Variants in THOP1 observed in about 807,000 individuals in gnomAD.
THOP1 encodes thimet oligopeptidase 1.
In THOP1, 49 loss-of-function variants were observed where a neutral mutation model predicts 71.8. The observed-to-expected ratio is 0.68, with a 90% CI of 0.54 to 0.87. The LOEUF is 0.87. THOP1 is among the 40% of genes least tolerant of loss of function. The probability of loss-of-function intolerance (pLI) is 0.00; values close to 1 mark genes in which losing one functional copy is unlikely to be tolerated. For synonymous variants in THOP1, 426 were observed against 421.5 expected (o/e 1.01, Z -0.13); for missense variants, 843 against 975.6 (o/e 0.86, Z 1.81).
chr19:2,788,579 A>T (rs982017625), intron 1 of THOP1, among the ~76,000 whole-genome samples: 1 of 152,114 alleles, frequency 6.6e-6, no homozygotes, highest in Non-Finnish European at 1.5e-5. Context: ...CCCAGGTCCA[A>T]GCGGTTCTCC....
At chr19:2,799,834 G>A in intron 5 of THOP1, 43 bp downstream of exon 5, 2 of 1,559,312 alleles carry the variant, frequency 1.3e-6, no homozygotes, top group Non-Finnish European at 1.8e-6. Context: ...TCGGTCCTGG[G>A]ACTCAGTGCA....
At chr19:2,788,116 T>C (rs1915793902) in intron 1 of THOP1, among the ~76,000 whole-genome samples, 1 of 152,218 alleles carries the variant, frequency 6.6e-6, no homozygotes, top group African/African-American at 2.4e-5. Context: ...GAAAACTTTC[T>C]GGTGGTATTC....
chr19:2,789,120 C>T (rs1915817367), intron 1 of THOP1, among the ~76,000 whole-genome samples: 1 of 152,206 alleles, frequency 6.6e-6, no homozygotes, highest in Non-Finnish European at 1.5e-5. Context: ...GAGACAGAAA[C>T]CATATGTGGC....
At position 2,810,535 on chromosome 19, in the gene THOP1, G is replaced by A. The variant is rs1419088489; in HGVS notation, c.1642+45G>A. On this transcript the variant is annotated intron_variant, in intron 10 of 12. Coordinates refer to ENST00000307741, the MANE Select transcript of THOP1 (RefSeq NM_003249.5). ...GGAAGGGTGCTAACCTCGGGGGGCGGCACACAGCTGGGGCCTGGCATGTGC... is the reference window on the plus strand; with the variant it reads ...GGAAGGGTGCTAACCTCGGGGGGCGACACACAGCTGGGGCCTGGCATGTGC... 19 of 1,529,012 alleles carry A rather than the reference G, an allele frequency of 1.2e-5. No homozygotes were observed. In the South Asian group the frequency reaches 2.3e-4, roughly 19 times the overall value. 94.7% of individuals were successfully genotyped at this position (1,529,012 alleles called of 1,614,324 possible).
Position 2,810,538 on chromosome 19 carries a change from C to T in THOP1, c.1642+48C>T, listed in dbSNP as rs1916435022. 3.3e-6 allele frequency: 5 copies of T among 1,529,154 alleles called. No homozygotes were observed. In the South Asian group the frequency reaches 4.9e-5, roughly 15 times the overall value. The allele number at this position is 1,529,154 out of a possible 1,614,324, so 94.7% of individuals were successfully genotyped here. A position where few individuals can be genotyped will look rare whatever the true frequency, so the allele number is the denominator to read the frequency against. ...AGGGTGCTAACCTCGGGGGGCGGCA[C>T]ACAGCTGGGGCCTGGCATGTGCCCC... On this transcript the variant is annotated intron_variant, in intron 10 of 12. Coordinates refer to ENST00000307741, the MANE Select transcript of THOP1 (RefSeq NM_003249.5).
chr19:2,800,654 C>T (rs777057481), intron 5 of THOP1, among the ~76,000 whole-genome samples: 4 of 152,240 alleles, frequency 2.6e-5, no homozygotes, highest in Non-Finnish European at 4.4e-5. Flanking sequence ...ACTCGCAGGT[C>T]GGGCACTGCC....
chr19:2,802,413 A>C (rs1173744786), intron 5 of THOP1, among the ~76,000 whole-genome samples: 10 of 49,248 alleles, frequency 2.0e-4, no homozygotes, highest in Admixed American at 4.8e-4. Context: ...TGACACCCCC[A>C]CCTCCCGACA....
intron 12 of THOP1, chr19:2,812,466 G>A (rs1372327460): frequency 5.1e-6 from 7 of 1,361,460 alleles, no homozygotes; most frequent in African/African-American, 1.5e-5. Flanking sequence ...CAAGCCCCCT[G>A]TCTTCACAGC....
rs768775633 is a variant in THOP1 at position 2,801,358 on chromosome 19, C to T, written c.589+1567C>T. 1.3e-5 allele frequency among the ~76,000 whole-genome samples: 2 copies of T among 152,210 alleles called. No individual in the cohort carries two copies. Among genetic ancestry groups the T allele is most frequent in the Non-Finnish European group, 2.9e-5 (2 of 68,048 alleles). On this transcript the variant is annotated intron_variant, in intron 5 of 12. Transcript: ENST00000307741. The surrounding 1 kb of genome is among the most constrained non-coding windows in gnomAD (Gnocchi z 5.1). The stretch of plus-strand genomic sequence containing the variant: ...CCTGTTTCTTTTCACGTTTGCCATC[C>T]TGCAAACTCGAATGTTTGTGGATTT...
intron 8 of THOP1, 48 bp from the exon 9 acceptor site, chr19:2,808,195 T>TG: frequency 6.6e-7 from 1 of 1,526,606 alleles, no homozygotes; most frequent in Non-Finnish European, 8.9e-7. Context: ...CAGGGACTCT[T>TG]GCGGTGTCTC....
chr19:2,799,572 C>T (rs1568321714), intron 4 of THOP1, 117 bp from the exon 5 acceptor site: 8 of 795,368 alleles, frequency 1.0e-5, no homozygotes, highest in African/African-American at 3.4e-5. Flanking sequence ...CCTCTTCTTT[C>T]GGCCTGGTTC....
chr19:2,798,287 T>C (rs1916065555), intron 4 of THOP1, among the ~76,000 whole-genome samples: 1 of 152,118 alleles, frequency 6.6e-6, no homozygotes, highest in Non-Finnish European at 1.5e-5. Flanking sequence ...CGCCTTGGCC[T>C]CCCAAACTGC....
At position 2,805,241 on chromosome 19, in the gene THOP1, CAT is replaced by C; in HGVS notation, c.750+66_750+67del. ...TGGAGCTTGTGGGGCCCGTCTGCTCCATGTGTGTGAGGCACCTCCAGGCTTTG... is the reference window on the plus strand; with the variant it reads ...TGGAGCTTGTGGGGCCCGTCTGCTCCGTGTGTGAGGCACCTCCAGGCTTTG... On this transcript the variant is annotated intron_variant, in intron 6 of 12. Coordinates refer to ENST00000307741, the MANE Select transcript of THOP1 (RefSeq NM_003249.5). The surrounding 1 kb of genome is among the most constrained non-coding windows in gnomAD (Gnocchi z 6.6). The C allele has an allele frequency of 6.6e-7, 1 of 1,525,822 alleles. No individual in the cohort carries two copies. Among genetic ancestry groups the C allele is most frequent in the Non-Finnish European group, 8.8e-7 (1 of 1,134,570 alleles). 94.5% of individuals were successfully genotyped at this position (1,525,822 alleles called of 1,614,324 possible).
Position 2,810,240 on chromosome 19 carries a change from C to T in THOP1, c.1456-64C>T, listed in dbSNP as rs548133540. The T allele has an allele frequency of 2.1e-5, 32 of 1,558,368 alleles. No individual in the cohort carries two copies. The African/African-American group carries it at 3.1e-4, about 15-fold the overall frequency. On this transcript the variant is annotated intron_variant, in intron 9 of 12. Coordinates refer to ENST00000307741, the MANE Select transcript of THOP1 (RefSeq NM_003249.5). Reference sequence around the variant, plus strand: ...TTTGCACTGTGGCAGCTGACACGGGCCAGGCCGGCGGGAACGGGCTAGGCA... The same window carrying T: ...TTTGCACTGTGGCAGCTGACACGGGTCAGGCCGGCGGGAACGGGCTAGGCA...
intron 8 of THOP1, 148 bp from the exon 9 acceptor site, chr19:2,808,095 C>T (rs531541395): frequency 2.0e-6 from 2 of 995,790 alleles, no homozygotes; most frequent in East Asian, 2.7e-5. Context: ...CTGCCCTGCG[C>T]CAAGCCACCT....
intron 11 of THOP1, 94 bp downstream of exon 11, chr19:2,810,862 C>G (rs1420399781): frequency 5.4e-6 from 8 of 1,488,402 alleles, no homozygotes; most frequent in Admixed American, 2.1e-5. Context: ...CTTCACTTAG[C>G]AAGTGCAGGA....
Position 2,807,314 on chromosome 19 carries a change from G to T in THOP1, c.887-128G>T, listed in dbSNP as rs952938832. 5.7e-6 allele frequency: 8 copies of T among 1,402,544 alleles called. No individual in the cohort carries two copies. In the African/African-American group the frequency reaches 1.2e-4, roughly 20 times the overall value. The allele number at this position is 1,402,544 out of a possible 1,614,324, so 86.9% of individuals were successfully genotyped here. On this transcript the variant is annotated intron_variant, in intron 7 of 12. Coordinates refer to ENST00000307741, the MANE Select transcript of THOP1 (RefSeq NM_003249.5). ...GTGAGGATGCTCGGCCCCTCGAGGG[G>T]TTGCCGGGAACTGCGGGTCCTCCCT...
In THOP1 at chr19:2,807,805, C is replaced by T. The variant is rs1420876187; in HGVS notation, c.1250C>T (p.Pro417Leu). 8 of 1,490,334 alleles carry T rather than the reference C, an allele frequency of 5.4e-6. No individual in the cohort carries two copies. The highest frequency in any genetic ancestry group is 4.1e-5 in the South Asian group (3 of 73,682). The allele number at this position is 1,490,334 out of a possible 1,614,324, so 92.3% of individuals were successfully genotyped here. Reference sequence around the variant, plus strand: ...GGCAAGTTCTACCTGGACCTGTACCCGCGGTGGGTGAGGGCAGCGGGGGCG... The same window carrying T: ...GGCAAGTTCTACCTGGACCTGTACCTGCGGTGGGTGAGGGCAGCGGGGGCG... ...VVGKFYLDLY[P>L]REGKYGHAAC... Residue 417 changes from proline (P) to leucine (L), a missense_variant, in exon 8 of 13, where the codon CCG becomes CTG. Pro to Leu is a moderately conservative substitution (Grantham distance 98). Coordinates refer to ENST00000307741, the MANE Select transcript of THOP1 (RefSeq NM_003249.5).
At chr19:2,812,385 C>T in intron 12 of THOP1, 1 of 1,502,574 alleles carries the variant, frequency 6.7e-7, no homozygotes, top group Non-Finnish European at 8.9e-7. Flanking sequence ...ACCTCGGAGC[C>T]ACCAAGCAGG....
Sources: gnomAD v4.1 joint callset for allele counts (sites outside exome capture counted in the v4.1 genomes callset) on GRCh38, gnomAD v4.1.1 for gene constraint, Gnocchi (gnomAD v3.1) non-coding constraint, MANE v1.5 for transcripts, NCBI Gene and HGNC (gene_info 2026-07-23, HGNC 2026-07-21) for gene names.